The following PCDHGB2 variants were observed in gnomAD, a reference collection of about 807,000 sequenced individuals.
The protein encoded by PCDHGB2 is protocadherin gamma subfamily B, 2, also known as protocadherin gamma-B2.
In PCDHGB2, 55 loss-of-function variants were observed where a neutral mutation model predicts 59.3. That is an observed-to-expected ratio of 0.93 (90% CI 0.75 to 1.16). The LOEUF is 1.16. Among genes scored for constraint, PCDHGB2 ranks in the 50% most tolerant of loss-of-function variants. The pLI is 0.00. For synonymous variants in PCDHGB2, 516 were observed against 512.0 expected (o/e 1.01, Z -0.11); for missense variants, 1,228 against 1,198.5 (o/e 1.02, Z -0.36).
At chr5:141,440,954 G>A (rs908507291) in intron 1 of PCDHGB2, 9 of 152,184 alleles carry the variant, frequency 5.9e-5, no homozygotes, top group Non-Finnish European at 1.0e-4. Flanking sequence ...GAGTGTCAAG[G>A]CAGAGATCAC....
chr5:141,505,348 G>C, intron 2 of PCDHGB2, 45 bp from the exon 3 acceptor site: 1 of 1,613,358 alleles, frequency 6.2e-7, no homozygotes, highest in Non-Finnish European at 8.5e-7. Flanking sequence ...GGCATGAGCT[G>C]TGCCGGCCTG....
rs749515160 is a variant in PCDHGB2, at chr5:141,361,118, C to G, written c.983C>G (p.Ala328Gly). The G allele has an allele frequency of 2.0e-5, 32 of 1,613,888 alleles. No homozygotes were observed. Among genetic ancestry groups the G allele is most frequent in the Non-Finnish European group, 8.5e-7 (1 of 1,179,906 alleles). The change falls in exon 1 of 4, where the codon GCA becomes GGA. Residue 328 changes from alanine (A) to glycine (G), a missense_variant. By Grantham distance (60) the Ala-to-Gly change is moderately conservative (BLOSUM62 0). Transcript: ENST00000522605. Reference sequence around the variant, plus strand: ...GAAGCAAAAGATCCTGGAGATCTAGCAGCCCACTGCAGTATCCAAGTTGAA... The same window carrying G: ...GAAGCAAAAGATCCTGGAGATCTAGGAGCCCACTGCAGTATCCAAGTTGAA... ...SIEAKDPGDLAAHCSIQVEIL... is the reference protein window; with the variant it reads ...SIEAKDPGDLGAHCSIQVEIL...
chr5:141,413,904 G>T (rs1230344912), intron 1 of PCDHGB2: 3 of 1,613,160 alleles, frequency 1.9e-6, no homozygotes, highest in East Asian at 2.2e-5. Context: ...ATGACAACGC[G>T]CCGGTCTTCA....
chr5:141,405,527 C>T (rs1055420196), intron 1 of PCDHGB2: 7 of 670,510 alleles, frequency 1.0e-5, no homozygotes, highest in Non-Finnish European at 1.8e-5. Flanking sequence ...TCAAGCGATT[C>T]TCCTGCCTCA....
intron 1 of PCDHGB2, chr5:141,400,092 G>A (rs2093959231): frequency 6.2e-7 from 1 of 1,613,942 alleles, no homozygotes; most frequent in South Asian, 1.1e-5. Context: ...CCACCGCCAC[G>A]CTGCACTTGG....
chr5:141,405,041 G>A (rs1276032851), intron 1 of PCDHGB2: 1 of 1,613,976 alleles, frequency 6.2e-7, no homozygotes, highest in Non-Finnish European at 8.5e-7. Flanking sequence ...CGTTGTGGCT[G>A]TGGCAGTCGT....
At position 141,362,220 on chromosome 5, in the gene PCDHGB2, C is replaced by G; in HGVS notation, c.2085C>G (p.Ala695=). ...AACTGCAGTTTTACCTGGTTGTGGC[C>G]TTGGCCTTGATCTCAGTGCTCTTCT... is the stretch of plus-strand genomic sequence containing the variant. ...QAKLQFYLVV[A]LALISVLFFL... The change falls in exon 1 of 4, where the codon GCC becomes GCG. Residue 695 remains alanine (A), a synonymous_variant. Coordinates refer to ENST00000522605, the MANE Select transcript of PCDHGB2 (RefSeq NM_018923.3). The G allele has an allele frequency of 6.2e-7, 1 of 1,614,046 alleles. No individual in the cohort carries two copies. The highest frequency in any genetic ancestry group is 8.5e-7 in the Non-Finnish European group (1 of 1,179,894).
rs762720403 is a variant in PCDHGB2 at position 141,362,130 on chromosome 5, G to A, written c.1995G>A (p.Ala665=). ...CGGCCACGCTGCACCTAATCTTCGC[G>A]GATAGCCTGCAAGAGGTATTGCCAG... ...SATATLHLIF[A]DSLQEVLPDL... The change falls in exon 1 of 4, where the codon GCG becomes GCA. Residue 665 remains alanine (A), a synonymous_variant. Transcript: ENST00000522605. 1.9e-6 allele frequency: 3 copies of A among 1,613,918 alleles called. No homozygotes were observed. Among genetic ancestry groups the A allele is most frequent in the African/African-American group, 1.3e-5 (1 of 74,934 alleles).
At chr5:141,419,686 G>T (rs551990092) in intron 1 of PCDHGB2, 2 of 1,612,878 alleles carry the variant, frequency 1.2e-6, no homozygotes, top group South Asian at 1.1e-5. Flanking sequence ...ACCACGTGGT[G>T]CAGGCCAGTG....
chr5:141,489,150 TAA>T lies in PCDHGB2; in HGVS notation c.2422-5656_2422-5655del. 1.2e-6 allele frequency: 1 copy of T among 862,654 alleles called. No homozygotes were observed. Among genetic ancestry groups the T allele is most frequent in the Non-Finnish European group, 1.7e-6 (1 of 575,074 alleles). The allele number at this position is 862,654 out of a possible 1,614,324, so 53.4% of individuals were successfully genotyped here. On this transcript the variant is annotated intron_variant, in intron 1 of 3. Coordinates refer to ENST00000522605, the MANE Select transcript of PCDHGB2 (RefSeq NM_018923.3). This position sits in a 1 kb window ranked among gnomAD's most constrained non-coding sequence, Gnocchi z 4.5. ...GTTTTTAAGAGGCTGGAAGGAGACA[TAA>T]GAGACTTCAGCTGCTGCATTCCAAG... is the stretch of plus-strand genomic sequence containing the variant.
At chr5:141,376,830 G>A (rs1343049579) in intron 1 of PCDHGB2, 1 of 266,580 alleles carries the variant, frequency 3.8e-6, no homozygotes, top group Non-Finnish European at 7.1e-6. Flanking sequence ...GGGACTACAG[G>A]CGCCCGCCAC....
At chr5:141,363,604 C>A (rs907704240) in intron 1 of PCDHGB2, among the ~76,000 whole-genome samples, 2 of 152,196 alleles carry the variant, frequency 1.3e-5, no homozygotes, top group Non-Finnish European at 2.9e-5. Context: ...CAAACGCTGT[C>A]TGAGATAGTG....
intron 1 of PCDHGB2, chr5:141,366,221 G>A (rs774963460): frequency 2.5e-6 from 4 of 1,613,834 alleles, no homozygotes; most frequent in Non-Finnish European, 3.4e-6. Flanking sequence ...CACAGCGCGA[G>A]CCCTGCTGGA....
chr5:141,422,222 C>A (rs1453283842), intron 1 of PCDHGB2: 2 of 1,564,972 alleles, frequency 1.3e-6, no homozygotes, highest in South Asian at 1.2e-5. Flanking sequence ...TTTACCACCA[C>A]GACGATGTTG....
intron 1 of PCDHGB2, among the ~76,000 whole-genome samples, chr5:141,443,034 A>T (rs368996869): frequency 2.0e-5 from 3 of 152,172 alleles, no homozygotes; most frequent in East Asian, 3.8e-4. Context: ...CCAGACCTAA[A>T]CTTTGAAAAT....
intron 1 of PCDHGB2, chr5:141,404,856 G>C (rs1405688914): frequency 6.2e-7 from 1 of 1,613,890 alleles, no homozygotes; most frequent in Admixed American, 1.7e-5. Flanking sequence ...CTGCTAGATA[G>C]AGATGCGCTC....
chr5:141,416,828 C>T (rs1014962852), intron 1 of PCDHGB2: 2 of 152,042 alleles, frequency 1.3e-5, no homozygotes, highest in African/African-American at 4.8e-5. Context: ...CGAAGTTTCT[C>T]AAGACCCTTA....
At position 141,489,083 on chromosome 5, in the gene PCDHGB2, T is replaced by G; in HGVS notation, c.2422-5724T>G. On this transcript the variant is annotated intron_variant, in intron 1 of 3. Coordinates refer to ENST00000522605, the MANE Select transcript of PCDHGB2 (RefSeq NM_018923.3). This position sits in a 1 kb window ranked among gnomAD's most constrained non-coding sequence, Gnocchi z 4.5. ...CCTCCCCCCTGCCCACCCCCGCCACTCGGTGACTAAGAACTGCTGCAAGCA... is the reference window on the plus strand; with the variant it reads ...CCTCCCCCCTGCCCACCCCCGCCACGCGGTGACTAAGAACTGCTGCAAGCA... The G allele has an allele frequency of 1.2e-5, 2 of 172,008 alleles. No individual in the cohort carries two copies. Among genetic ancestry groups the G allele is most frequent in the Non-Finnish European group, 2.1e-5 (2 of 94,012 alleles). The allele number at this position is 172,008 out of a possible 1,614,324, so 10.7% of individuals were successfully genotyped here. A position where few individuals can be genotyped will look rare whatever the true frequency, so the allele number is the denominator to read the frequency against.
At chr5:141,433,732 G>A (rs1181042854) in intron 1 of PCDHGB2, among the ~76,000 whole-genome samples, 2 of 151,886 alleles carry the variant, frequency 1.3e-5, no homozygotes, top group Non-Finnish European at 2.9e-5. Flanking sequence ...AGCTACTTGG[G>A]AGGCTGAGTC....
Sources: gnomAD v4.1 joint callset for allele counts (sites outside exome capture counted in the v4.1 genomes callset) on GRCh38, gnomAD v4.1.1 for gene constraint, Gnocchi (gnomAD v3.1) non-coding constraint, MANE v1.5 for transcripts, NCBI Gene and HGNC (gene_info 2026-07-23, HGNC 2026-07-21) for gene names.